Variants in TANGO6 observed in about 807,000 individuals in gnomAD.
TANGO6 encodes transport and golgi organization 6 homolog, also known as transport and Golgi organization protein 6 homolog.
Under a neutral mutation model 114.2 loss-of-function variants are expected in TANGO6, and 90 were observed. The observed-to-expected ratio is 0.79, with a 90% CI of 0.66 to 0.94. The LOEUF (loss-of-function observed/expected upper bound fraction) is 0.94, where lower values mean the gene tolerates loss of function less well. Ranked by LOEUF, TANGO6 falls within the 40% of genes least tolerant of loss-of-function variation. The probability of loss-of-function intolerance (pLI) is 0.00; values close to 1 mark genes in which losing one functional copy is unlikely to be tolerated. For synonymous variants in TANGO6, 477 were observed against 509.8 expected (o/e 0.94, Z 0.87); for missense variants, 1,274 against 1,315.3 (o/e 0.97, Z 0.49).
At chr16:69,056,838 C>T (rs1165053560) in intron 17 of TANGO6, among the ~76,000 whole-genome samples, 1 of 151,840 alleles carries the variant, frequency 6.6e-6, no homozygotes, top group Non-Finnish European at 1.5e-5. Flanking sequence ...TGCCACCACG[C>T]CCAACTAATT....
intron 17 of TANGO6, among the ~76,000 whole-genome samples, chr16:69,070,763 A>G (rs1021609800): frequency 1.4e-5 from 2 of 147,598 alleles, no homozygotes; most frequent in Non-Finnish European, 3.0e-5. Flanking sequence ...TATTATTATT[A>G]TTATTATTAT....
At chr16:69,028,451 G>A (rs1959540634) in intron 16 of TANGO6, among the ~76,000 whole-genome samples, 1 of 151,176 alleles carries the variant, frequency 6.6e-6, no homozygotes, top group South Asian at 2.1e-4. Flanking sequence ...CCAACATGGT[G>A]AAACCCCCTC....
intron 7 of TANGO6, among the ~76,000 whole-genome samples, chr16:68,899,667 A>G (rs1478059528): frequency 6.6e-6 from 1 of 151,996 alleles, no homozygotes; most frequent in Non-Finnish European, 1.5e-5. Context: ...TAGCATGATC[A>G]TAGCTTATTG....
chr16:68,889,465 GT>G (rs2152175254), intron 7 of TANGO6, among the ~76,000 whole-genome samples: 1 of 152,176 alleles, frequency 6.6e-6, no homozygotes, highest in East Asian at 1.9e-4. Flanking sequence ...CCCTTTCTGT[GT>G]TTAAAAAAGA....
At chr16:68,900,695 T>G (rs1336367979) in intron 8 of TANGO6, 149 bp downstream of exon 8, 1 of 709,498 alleles carries the variant, frequency 1.4e-6, no homozygotes, top group African/African-American at 1.8e-5. Context: ...CCTATTTTGC[T>G]CATCTAGAAG....
intron 17 of TANGO6, among the ~76,000 whole-genome samples, chr16:69,071,969 T>C (rs1960300635): frequency 6.6e-6 from 1 of 151,902 alleles, no homozygotes; most frequent in African/African-American, 2.4e-5. Flanking sequence ...GCTTCAGCTT[T>C]GTGTGTTTCA....
chr16:69,053,399 G>T (rs1216878754), intron 17 of TANGO6, among the ~76,000 whole-genome samples: 1 of 152,062 alleles, frequency 6.6e-6, no homozygotes, highest in Non-Finnish European at 1.5e-5. Flanking sequence ...TTTCTCTAAA[G>T]TTAATAAATG....
intron 14 of TANGO6, among the ~76,000 whole-genome samples, chr16:68,936,659 T>C (rs1208330026): frequency 6.6e-6 from 1 of 152,222 alleles, no homozygotes; most frequent in Non-Finnish European, 1.5e-5. Context: ...TTCTATACTG[T>C]AGATCTGTTC....
intron 17 of TANGO6, among the ~76,000 whole-genome samples, chr16:69,047,430 G>T (rs926075374): frequency 2.0e-5 from 3 of 151,946 alleles, no homozygotes; most frequent in Non-Finnish European, 1.5e-5. Context: ...GGGAGGCAGA[G>T]GTTGCAGTGA....
intron 9 of TANGO6, among the ~76,000 whole-genome samples, chr16:68,907,064 G>T (rs2152184844): frequency 1.3e-5 from 2 of 150,932 alleles, no homozygotes; most frequent in South Asian, 4.2e-4. Context: ...CAAAGTGCTG[G>T]GATTACAGGT....
At chr16:68,976,368 C>T (rs1209369192) in intron 15 of TANGO6, among the ~76,000 whole-genome samples, 1 of 152,222 alleles carries the variant, frequency 6.6e-6, no homozygotes, top group African/African-American at 2.4e-5. Context: ...AAGATTTAAA[C>T]ATTTTTTAAA....
chr16:69,020,881 A>AC (rs1347097778), intron 15 of TANGO6, among the ~76,000 whole-genome samples: 217 of 136,214 alleles, frequency 1.6e-3, no homozygotes, highest in African/African-American at 5.1e-3. Context: ...AGCAAGACCC[A>AC]CCCCCCCTTT....
rs111716481 is a variant in TANGO6, at chr16:68,955,551, C to T, written c.2702-18477C>T. ...TGCAGCACTTATTAAGATGCTGAGACGATCAGTTGGGTCACTGGGTCAAAA... is the reference window on the plus strand; with the variant it reads ...TGCAGCACTTATTAAGATGCTGAGATGATCAGTTGGGTCACTGGGTCAAAA... On this transcript the variant is annotated intron_variant, in intron 14 of 17. Transcript: ENST00000261778. Among the ~76,000 whole-genome samples the T allele has an allele frequency of 7.9e-5, 12 of 152,182 alleles. 1 individual carries two copies. The highest frequency in any genetic ancestry group is 2.4e-4 in the African/African-American group (10 of 41,526).
chr16:69,038,789 TC>T (rs761343312), intron 16 of TANGO6, among the ~76,000 whole-genome samples: 2 of 152,146 alleles, frequency 1.3e-5, no homozygotes, highest in Non-Finnish European at 2.9e-5. Context: ...ATGCCTGTAA[TC>T]CCAGCACTTT....
chr16:69,083,496 C>T lies in TANGO6; in HGVS notation c.3120C>T (p.Ala1040=), dbSNP rs202085438. The T allele has an allele frequency of 9.3e-6, 15 of 1,610,712 alleles. No individual in the cohort carries two copies. The highest frequency in any genetic ancestry group is 8.0e-5 in the African/African-American group (6 of 75,022). ...LSQKATEVLS[A]VLKDLYHLLK... The stretch of plus-strand genomic sequence containing the variant: ...TCTCTCTCATGCAGGTGCTGAGCGC[C>T]GTCCTCAAGGATCTCTACCACCTGC... Residue 1040 remains alanine (A), a synonymous_variant, in exon 18 of 18, where the codon GCC becomes GCT. Transcript: ENST00000261778.
chr16:68,975,048 A>T (rs1337258006), intron 15 of TANGO6, among the ~76,000 whole-genome samples: 4 of 152,102 alleles, frequency 2.6e-5, no homozygotes, highest in South Asian at 4.1e-4. Context: ...ATAGAGCGAG[A>T]CTCAGAAATA....
At chr16:68,962,045 G>A (rs75377703) in intron 14 of TANGO6, among the ~76,000 whole-genome samples, 5,264 of 152,172 alleles carry the variant, frequency 0.035, 318 homozygotes, top group African/African-American at 0.12. Context: ...ACAAAACTTT[G>A]GAGCTTTAGA....
chr16:68,948,010 A>T (rs867907530), intron 14 of TANGO6, among the ~76,000 whole-genome samples: 2 of 150,024 alleles, frequency 1.3e-5, no homozygotes, highest in South Asian at 2.1e-4. Context: ...ACCTTATCTT[A>T]CTACAGTGCA....
intron 14 of TANGO6, among the ~76,000 whole-genome samples, chr16:68,954,764 G>C (rs1963508941): frequency 6.6e-6 from 1 of 152,182 alleles, no homozygotes; most frequent in South Asian, 2.1e-4. Context: ...CCTAATTGCA[G>C]ATTAAAAAGG....
Sources: allele counts gnomAD v4.1 joint callset (sites outside exome capture counted in the v4.1 genomes callset), GRCh38; gene constraint gnomAD v4.1.1; transcripts MANE v1.5; gene names NCBI Gene and HGNC (gene_info 2026-07-23, HGNC 2026-07-21).